KSR2: variants seen among roughly 807,000 people sequenced by gnomAD.
KSR2 encodes the protein kinase suppressor of ras 2.
In KSR2, 25 loss-of-function variants were observed where a neutral mutation model predicts 107.8. The ratio of observed to expected loss-of-function variants is 0.23; its 90% CI spans 0.17 to 0.32. The LOEUF (loss-of-function observed/expected upper bound fraction) is 0.32. Among genes scored for constraint, KSR2 ranks in the 10% least tolerant of loss-of-function variants. The pLI, the probability that KSR2 is intolerant of heterozygous loss-of-function variation, is 1.00. For synonymous variants in KSR2, 480 were observed against 507.0 expected, an observed-to-expected ratio of 0.95 and a Z score of 0.71; for missense variants, 887 against 1,268.9, an observed-to-expected ratio of 0.70 and a Z score of 4.57.
chr12:117,514,526 T>TTC (rs540321556), intron 14 of KSR2, among the ~76,000 whole-genome samples: 18,774 of 145,198 alleles, frequency 0.13, 1,528 homozygotes, highest in East Asian at 0.33. Context: ...TGTCTTTGGT[T>TTC]TCTCTCTCTC....
chr12:117,789,720 C>T (rs1890192439), intron 3 of KSR2, among the ~76,000 whole-genome samples: 1 of 152,186 alleles, frequency 6.6e-6, no homozygotes, highest in South Asian at 2.1e-4. Flanking sequence ...AGGGAAGCCC[C>T]TCCCCTCCAC....
chr12:117,575,188 A>T (rs749704680), intron 7 of KSR2, among the ~76,000 whole-genome samples: 11 of 152,172 alleles, frequency 7.2e-5, no homozygotes, highest in Non-Finnish European at 1.6e-4. Flanking sequence ...GAAACTAGGG[A>T]AGGGATTTTG....
chr12:117,918,681 G>C (rs562678673), intron 1 of KSR2, among the ~76,000 whole-genome samples: 2 of 151,904 alleles, frequency 1.3e-5, no homozygotes, highest in Non-Finnish European at 2.9e-5. Flanking sequence ...CCAGCTACTC[G>C]GGAGGCTGAG....
At chr12:117,571,100 A>C (rs561691280) in intron 7 of KSR2, among the ~76,000 whole-genome samples, 2 of 152,246 alleles carry the variant, frequency 1.3e-5, no homozygotes, top group South Asian at 4.2e-4. Context: ...TCTACTAAAA[A>C]TACAAAAATT....
chr12:117,821,013 G>A (rs1891544343), intron 3 of KSR2, among the ~76,000 whole-genome samples: 2 of 152,096 alleles, frequency 1.3e-5, no homozygotes, highest in Admixed American at 1.3e-4. Flanking sequence ...CAGATCCTCT[G>A]CCACTCCTTC....
chr12:117,917,726 T>C (rs1271280319), intron 1 of KSR2, among the ~76,000 whole-genome samples: 1 of 152,024 alleles, frequency 6.6e-6, no homozygotes, highest in Non-Finnish European at 1.5e-5. Flanking sequence ...TATTTACCTG[T>C]GGATATATTA....
chr12:117,634,939 T>A (rs867746065), intron 5 of KSR2, among the ~76,000 whole-genome samples: 52 of 152,104 alleles, frequency 3.4e-4, no homozygotes, highest in Non-Finnish European at 1.6e-4. Context: ...GAGGCCCAAA[T>A]GCAATGGCTC....
intron 11 of KSR2, 128 bp downstream of exon 11, chr12:117,531,538 G>A (rs1455411723): frequency 6.7e-6 from 5 of 751,112 alleles, no homozygotes; most frequent in Non-Finnish European, 1.1e-5. Context: ...ATCCTGGAGT[G>A]TGGTGACTCC....
At chr12:117,690,882 T>C (rs1885785120) in intron 4 of KSR2, among the ~76,000 whole-genome samples, 1 of 152,218 alleles carries the variant, frequency 6.6e-6, no homozygotes, top group South Asian at 2.1e-4. Context: ...GACCTATTTC[T>C]CTGTTCTCAC....
chr12:117,628,598 T>C (rs568944035), intron 5 of KSR2, among the ~76,000 whole-genome samples: 1 of 152,164 alleles, frequency 6.6e-6, no homozygotes, highest in African/African-American at 2.4e-5. Flanking sequence ...GGGAGCCACC[T>C]ATATGAGATG....
At chr12:117,602,910 G>T (rs1314031693) in intron 5 of KSR2, among the ~76,000 whole-genome samples, 1 of 152,092 alleles carries the variant, frequency 6.6e-6, no homozygotes, top group Non-Finnish European at 1.5e-5. Context: ...TCTTGGAAAG[G>T]GTGGGTGTTG....
intron 1 of KSR2, among the ~76,000 whole-genome samples, chr12:117,865,156 A>G (rs1445592311): frequency 6.6e-6 from 1 of 152,194 alleles, no homozygotes. Context: ...CAAATATATC[A>G]TTTATCTAGT....
At chr12:117,591,202 A>G (rs963316778) in intron 5 of KSR2, among the ~76,000 whole-genome samples, 10 of 152,306 alleles carry the variant, frequency 6.6e-5, no homozygotes, top group Middle Eastern at 3.4e-3. Context: ...TCTACATGCA[A>G]CTTCTGAAAT....
intron 14 of KSR2, among the ~76,000 whole-genome samples, chr12:117,516,186 A>G (rs1874367108): frequency 6.6e-6 from 1 of 152,162 alleles, no homozygotes; most frequent in Non-Finnish European, 1.5e-5. Flanking sequence ...GCTTCAGAAG[A>G]AGTCCATGAC....
chr12:117,913,063 G>C (rs1895069452), intron 1 of KSR2, among the ~76,000 whole-genome samples: 1 of 152,146 alleles, frequency 6.6e-6, no homozygotes, highest in Non-Finnish European at 1.5e-5. Context: ...CAGGAAGGTG[G>C]GGACAGGGAA....
At chr12:117,722,667 C>T (rs1887261925) in intron 4 of KSR2, among the ~76,000 whole-genome samples, 3 of 152,188 alleles carry the variant, frequency 2.0e-5, no homozygotes, top group African/African-American at 7.2e-5. Context: ...CAAGAAATAA[C>T]CATAAAAATG....
chr12:117,741,417 C>T (rs1243984344), intron 4 of KSR2, among the ~76,000 whole-genome samples: 1 of 152,064 alleles, frequency 6.6e-6, no homozygotes, highest in Non-Finnish European at 1.5e-5. Flanking sequence ...CCCAGCTACT[C>T]AGGAGGCTGA....
At chr12:117,618,377 T>A (rs955415276) in intron 5 of KSR2, among the ~76,000 whole-genome samples, 1 of 152,034 alleles carries the variant, frequency 6.6e-6, no homozygotes, top group African/African-American at 2.4e-5. Context: ...CAACATGACA[T>A]GCAGGAAGTT....
At chr12:117,934,977 C>A (rs2137511064) in intron 1 of KSR2, among the ~76,000 whole-genome samples, 1 of 151,820 alleles carries the variant, frequency 6.6e-6, no homozygotes, top group African/African-American at 2.4e-5. Context: ...AGGCATGCAC[C>A]ACCACACCCA....
Sources: allele counts gnomAD v4.1 joint callset (sites outside exome capture counted in the v4.1 genomes callset), GRCh38; gene constraint gnomAD v4.1.1; transcripts MANE v1.5; gene names NCBI Gene and HGNC (gene_info 2026-07-23, HGNC 2026-07-21).